RASAL2: variants seen among roughly 807,000 people sequenced by gnomAD.
The protein encoded by RASAL2 is ras GTPase-activating protein nGAP.
RASAL2 carries 58 observed loss-of-function variants against 128.9 expected under a neutral mutation model. That is an observed-to-expected ratio of 0.45 (90% CI 0.36 to 0.56). The LOEUF is 0.56. RASAL2 is among the 20% of genes least tolerant of loss of function. RASAL2 has a pLI of 0.00. For synonymous variants in RASAL2, 561 were observed against 580.8 expected (o/e 0.97, Z 0.49); for missense variants, 1,360 against 1,601.6 (o/e 0.85, Z 2.57).
intron 1 of RASAL2, among the ~76,000 whole-genome samples, chr1:178,261,008 GA>G (rs1396981679): frequency 1.3e-5 from 2 of 152,204 alleles, no homozygotes; most frequent in East Asian, 3.8e-4. Context: ...GTCTGAATGT[GA>G]GATGCAGTAA....
intron 2 of RASAL2, among the ~76,000 whole-genome samples, chr1:178,286,653 C>T (rs1187795293): frequency 6.6e-6 from 1 of 152,190 alleles, no homozygotes; most frequent in African/African-American, 2.4e-5. Flanking sequence ...CTCAGGTGAT[C>T]CACCCGCCTC....
rs1468217866 is a variant in RASAL2, at chr1:178,474,813, A to G, written c.*1574A>G. The G allele has an allele frequency of 6.6e-6, 1 of 152,140 alleles. No individual in the cohort carries two copies. The highest frequency in any genetic ancestry group is 1.5e-5 in the Non-Finnish European group (1 of 68,032). The allele number at this position is 152,140 out of a possible 1,614,324, so 9.4% of individuals were successfully genotyped here. ...TCTCAAACCTCTTTAAGCAAGATCT[A>G]AGTAGTTGTTTTATATTGAGAAAGC... On this transcript the variant is annotated 3_prime_UTR_variant, in exon 18 of 18. Coordinates refer to ENST00000367649, the MANE Select transcript of RASAL2 (RefSeq NM_170692.4).
intron 8 of RASAL2, among the ~76,000 whole-genome samples, chr1:178,445,246 G>C (rs889977501): frequency 6.6e-6 from 1 of 152,054 alleles, no homozygotes. Context: ...AGGCTTGAAA[G>C]GTAGACAGAA....
At chr1:178,250,972 G>A (rs1403100127) in intron 1 of RASAL2, among the ~76,000 whole-genome samples, 1 of 152,244 alleles carries the variant, frequency 6.6e-6, no homozygotes, top group Non-Finnish European at 1.5e-5. Context: ...TTTAGTAAGT[G>A]TCATGTTTGC....
chr1:178,447,389 G>T (rs1677078509), intron 9 of RASAL2, among the ~76,000 whole-genome samples: 1 of 151,824 alleles, frequency 6.6e-6, no homozygotes, highest in Non-Finnish European at 1.5e-5. Flanking sequence ...AGAAGCCATT[G>T]TAGGCTGGGC....
intron 1 of RASAL2, among the ~76,000 whole-genome samples, chr1:178,263,626 C>T (rs1474325951): frequency 6.6e-6 from 1 of 152,146 alleles, no homozygotes; most frequent in Non-Finnish European, 1.5e-5. Flanking sequence ...AATCAAATAA[C>T]CTAAGTTGAG....
At chr1:178,470,739 G>A (rs138731485) in intron 17 of RASAL2, 16 of 1,364,856 alleles carry the variant, frequency 1.2e-5, no homozygotes, top group African/African-American at 5.9e-5. Flanking sequence ...TAAACCCCGC[G>A]TCCGTTCTCT....
At chr1:178,158,892 G>T (rs1188143480) in intron 1 of RASAL2, among the ~76,000 whole-genome samples, 1 of 152,086 alleles carries the variant, frequency 6.6e-6, no homozygotes, top group East Asian at 1.9e-4. Context: ...AGGCTAAAGG[G>T]CATGAGACAA....
chr1:178,464,495 C>T, intron 15 of RASAL2, 83 bp downstream of exon 15: 1 of 1,507,462 alleles, frequency 6.6e-7, no homozygotes, highest in East Asian at 2.3e-5. Flanking sequence ...AACATAAACT[C>T]ATCCCACCCC....
intron 1 of RASAL2, among the ~76,000 whole-genome samples, chr1:178,096,109 G>A (rs1278236175): frequency 2.6e-5 from 4 of 152,158 alleles, no homozygotes; most frequent in African/African-American, 4.8e-5. Flanking sequence ...CTGATTTTCC[G>A]TCTGCCTGCT....
intron 3 of RASAL2, among the ~76,000 whole-genome samples, chr1:178,306,359 T>G (rs990540124): frequency 6.6e-6 from 1 of 152,304 alleles, no homozygotes; most frequent in Admixed American, 6.5e-5. Flanking sequence ...AATAAACATA[T>G]GTATGCATGT....
At chr1:178,425,661 T>C (rs1290687302) in intron 5 of RASAL2, among the ~76,000 whole-genome samples, 4 of 152,160 alleles carry the variant, frequency 2.6e-5, no homozygotes, top group African/African-American at 7.2e-5. Flanking sequence ...AATCTCTTTA[T>C]AGGCATAAGA....
intron 5 of RASAL2, among the ~76,000 whole-genome samples, chr1:178,423,064 A>G (rs925913362): frequency 1.4e-4 from 22 of 152,220 alleles, no homozygotes; most frequent in African/African-American, 5.1e-4. Flanking sequence ...ATGGGATCAC[A>G]TATTACTTTG....
chr1:178,159,926 A>C (rs1245619424), intron 1 of RASAL2, among the ~76,000 whole-genome samples: 1 of 152,196 alleles, frequency 6.6e-6, no homozygotes, highest in African/African-American at 2.4e-5. Context: ...CAAACAAACA[A>C]AAAAAACTAC....
intron 3 of RASAL2, among the ~76,000 whole-genome samples, chr1:178,321,894 A>G (rs1268985964): frequency 2.0e-5 from 3 of 151,914 alleles, no homozygotes; most frequent in Non-Finnish European, 2.9e-5. Flanking sequence ...AGGCTGAGGC[A>G]GGAGAATTGC....
At chr1:178,233,751 A>C (rs1237302189) in intron 1 of RASAL2, among the ~76,000 whole-genome samples, 2 of 152,184 alleles carry the variant, frequency 1.3e-5, no homozygotes, top group Non-Finnish European at 2.9e-5. Context: ...ACTGTGGCCA[A>C]CTTCACTTGG....
chr1:178,317,376 C>T (rs1448020481), intron 3 of RASAL2, among the ~76,000 whole-genome samples: 2 of 145,402 alleles, frequency 1.4e-5, no homozygotes, highest in Admixed American at 1.4e-4. Flanking sequence ...GGTACCAGTT[C>T]CTCCTTGTAC....
At chr1:178,259,122 CTTTTTTTTT>C (rs59978357) in intron 1 of RASAL2, among the ~76,000 whole-genome samples, 30 of 70,536 alleles carry the variant, frequency 4.3e-4, no homozygotes, top group African/African-American at 1.3e-3. Context: ...AATGAAACTT[CTTTTTTTTT>C]TTTTTTTTTT....
intron 1 of RASAL2, among the ~76,000 whole-genome samples, chr1:178,115,738 C>T (rs1659501590): frequency 6.6e-6 from 1 of 152,166 alleles, no homozygotes. Context: ...AAATAGATTC[C>T]TGTGGAGCAG....
Sources: allele counts gnomAD v4.1 joint callset (sites outside exome capture counted in the v4.1 genomes callset), GRCh38; gene constraint gnomAD v4.1.1; transcripts MANE v1.5; gene names NCBI Gene and HGNC (gene_info 2026-07-23, HGNC 2026-07-21).